MARCHF1: variants seen among roughly 807,000 people sequenced by gnomAD.
The protein encoded by MARCHF1 is E3 ubiquitin-protein ligase MARCHF1.
Under a neutral mutation model 54.2 loss-of-function variants are expected in MARCHF1, and 40 were observed. The ratio of observed to expected loss-of-function variants is 0.74; its 90% CI spans 0.57 to 0.96. The LOEUF is 0.96. Ranked by LOEUF, MARCHF1 falls within the 40% of genes least tolerant of loss-of-function variation. The pLI, the probability that MARCHF1 is intolerant of heterozygous loss-of-function variation, is 0.00. For missense variants in MARCHF1, 586 were observed against 656.5 expected (o/e 0.89, Z 1.17); for synonymous variants, 236 against 236.3 (o/e 1.00, Z 0.01).
At chr4:164,241,269 C>T (rs1343559672) in intron 1 of MARCHF1, among the ~76,000 whole-genome samples, 1 of 152,010 alleles carries the variant, frequency 6.6e-6, no homozygotes, top group Non-Finnish European at 1.5e-5. Flanking sequence ...TTTCAAAAAC[C>T]CTAGCCTCAG....
chr4:163,587,073 G>A (rs1197264504), intron 7 of MARCHF1, among the ~76,000 whole-genome samples: 2 of 152,134 alleles, frequency 1.3e-5, no homozygotes, highest in African/African-American at 2.4e-5. Context: ...GAATTGAGTT[G>A]AATTTGTTTC....
chr4:164,160,318 A>T (rs1188838392), intron 1 of MARCHF1, among the ~76,000 whole-genome samples: 1 of 152,142 alleles, frequency 6.6e-6, no homozygotes, highest in Non-Finnish European at 1.5e-5. Flanking sequence ...CTCCTAGGTT[A>T]CAAACCTGTA....
intron 2 of MARCHF1, among the ~76,000 whole-genome samples, chr4:164,009,918 A>G (rs1167478330): frequency 2.0e-5 from 3 of 152,178 alleles, no homozygotes; most frequent in African/African-American, 7.2e-5. Flanking sequence ...CTTCTAGTCA[A>G]CAAATATTGA....
intron 1 of MARCHF1, among the ~76,000 whole-genome samples, chr4:164,155,170 C>T (rs574349459): frequency 6.6e-5 from 10 of 152,074 alleles, no homozygotes; most frequent in African/African-American, 2.2e-4. Context: ...TTTTTGGCTG[C>T]GAAAATAGAA....
intron 5 of MARCHF1, among the ~76,000 whole-genome samples, chr4:163,616,159 A>G (rs1741502413): frequency 6.6e-6 from 1 of 152,182 alleles, no homozygotes; most frequent in African/African-American, 2.4e-5. Context: ...GATCTTTTAG[A>G]AAAGTTTTTG....
intron 1 of MARCHF1, among the ~76,000 whole-genome samples, chr4:164,178,954 C>A (rs1003450353): frequency 6.6e-6 from 1 of 152,116 alleles, no homozygotes; most frequent in Admixed American, 6.6e-5. Context: ...ACCACCCCAA[C>A]CCCGAGATGA....
At chr4:163,733,199 A>ACACGTG (rs1366717938) in intron 4 of MARCHF1, among the ~76,000 whole-genome samples, 2 of 39,884 alleles carry the variant, frequency 5.0e-5, no homozygotes, top group African/African-American at 1.6e-4. Context: ...ATATATATAT[A>ACACGTG]TATATATATA....
At chr4:163,603,767 A>G (rs1741053820) in intron 7 of MARCHF1, among the ~76,000 whole-genome samples, 2 of 152,044 alleles carry the variant, frequency 1.3e-5, no homozygotes, top group Admixed American at 6.6e-5. Context: ...GTATTGCAAA[A>G]AAAAGTCATA....
intron 4 of MARCHF1, among the ~76,000 whole-genome samples, chr4:163,803,714 T>G (rs1285464332): frequency 6.6e-6 from 1 of 152,214 alleles, no homozygotes; most frequent in Non-Finnish European, 1.5e-5. Flanking sequence ...CTTTTGCATC[T>G]TTTGATTTCA....
chr4:163,961,475 T>C (rs1363359820), intron 3 of MARCHF1, among the ~76,000 whole-genome samples: 2 of 151,914 alleles, frequency 1.3e-5, no homozygotes, highest in Non-Finnish European at 2.9e-5. Flanking sequence ...AAAGAATTAA[T>C]TGACTTAAGT....
At chr4:164,297,462 G>C (rs1377862078) in intron 1 of MARCHF1, among the ~76,000 whole-genome samples, 3 of 152,118 alleles carry the variant, frequency 2.0e-5, no homozygotes, top group Non-Finnish European at 2.9e-5. Context: ...GAAAACATCA[G>C]GCAAACCCAA....
At chr4:163,720,511 G>A (rs1266903871) in intron 4 of MARCHF1, among the ~76,000 whole-genome samples, 2 of 152,148 alleles carry the variant, frequency 1.3e-5, no homozygotes, top group Non-Finnish European at 2.9e-5. Context: ...GGCAATGTGG[G>A]CTCTTTTTTG....
At chr4:164,039,095 T>C (rs756732942) in intron 2 of MARCHF1, among the ~76,000 whole-genome samples, 1 of 152,194 alleles carries the variant, frequency 6.6e-6, no homozygotes, top group Non-Finnish European at 1.5e-5. Flanking sequence ...AACAAATACA[T>C]GCACACACGT....
intron 2 of MARCHF1, among the ~76,000 whole-genome samples, chr4:163,994,891 C>A (rs1483496327): frequency 6.6e-6 from 1 of 151,806 alleles, no homozygotes; most frequent in Non-Finnish European, 1.5e-5. Context: ...AATGAAATAT[C>A]TTACTAGTTT....
intron 5 of MARCHF1, among the ~76,000 whole-genome samples, chr4:163,647,774 A>G (rs1012900980): frequency 1.3e-5 from 2 of 151,886 alleles, no homozygotes; most frequent in Non-Finnish European, 2.9e-5. Flanking sequence ...CTGTGACAAA[A>G]GTTTATAGTA....
chr4:163,664,921 T>G (rs1743477612), intron 5 of MARCHF1, among the ~76,000 whole-genome samples: 1 of 151,990 alleles, frequency 6.6e-6, no homozygotes, highest in Admixed American at 6.6e-5. Context: ...ATTAGAAAAA[T>G]TAATATAATA....
intron 1 of MARCHF1, among the ~76,000 whole-genome samples, chr4:164,327,843 G>A (rs2110789708): frequency 6.6e-6 from 1 of 152,328 alleles, no homozygotes; most frequent in South Asian, 2.1e-4. Context: ...CAGCTGGAAA[G>A]CTGGTGCAGC....
chr4:163,841,995 A>G (rs1031001396), intron 4 of MARCHF1, among the ~76,000 whole-genome samples: 59 of 152,154 alleles, frequency 3.9e-4, no homozygotes, highest in African/African-American at 1.1e-3. Flanking sequence ...TGGTGATATA[A>G]AAATAATTTA....
intron 3 of MARCHF1, among the ~76,000 whole-genome samples, chr4:163,952,282 G>C (rs1752149113): frequency 6.6e-6 from 1 of 152,032 alleles, no homozygotes; most frequent in African/African-American, 2.4e-5. Flanking sequence ...GATACACACT[G>C]TAGAAAATGC....
Sources: gnomAD v4.1 joint callset for allele counts (sites outside exome capture counted in the v4.1 genomes callset) on GRCh38, gnomAD v4.1.1 for gene constraint, MANE v1.5 for transcripts, NCBI Gene and HGNC (gene_info 2026-07-23, HGNC 2026-07-21) for gene names.